Variants in VKORC1L1 observed in about 807,000 individuals in gnomAD.
The protein encoded by VKORC1L1 is vitamin K epoxide reductase complex subunit 1-like protein 1.
A neutral mutation model predicts 18.9 loss-of-function variants in VKORC1L1; 2 were observed. That is an observed-to-expected ratio of 0.11 (90% CI 0.04 to 0.33). The LOEUF (loss-of-function observed/expected upper bound fraction) is 0.33. VKORC1L1 is among the 10% of genes least tolerant of loss of function. The probability of loss-of-function intolerance (pLI) is 1.00; values close to 1 mark genes in which losing one functional copy is unlikely to be tolerated. For synonymous variants in VKORC1L1, 96 were observed against 100.0 expected, an observed-to-expected ratio of 0.96 and a Z score of 0.24; for missense variants, 123 against 224.1, an observed-to-expected ratio of 0.55 and a Z score of 2.88.
chr7:65,938,950 AGG>A (rs1562653945), intron 1 of VKORC1L1, among the ~76,000 whole-genome samples: 1 of 152,204 alleles, frequency 6.6e-6, no homozygotes, highest in East Asian at 1.9e-4. Flanking sequence ...GCCATGAATC[AGG>A]GCCACACCAG....
intron 1 of VKORC1L1, among the ~76,000 whole-genome samples, chr7:65,941,150 C>T (rs1347350702): frequency 1.3e-5 from 2 of 152,194 alleles, no homozygotes; most frequent in African/African-American, 2.4e-5. Flanking sequence ...CTCACTCTGT[C>T]ACCCAGGCTG....
chr7:65,930,430 G>A (rs1291060358), intron 1 of VKORC1L1, among the ~76,000 whole-genome samples: 1 of 152,216 alleles, frequency 6.6e-6, no homozygotes, highest in Non-Finnish European at 1.5e-5. Flanking sequence ...GGTTAGGGGA[G>A]CGTATTTGGC....
At chr7:65,887,861 G>T (rs183799461) in intron 1 of VKORC1L1, among the ~76,000 whole-genome samples, 2 of 151,276 alleles carry the variant, frequency 1.3e-5, no homozygotes, top group Non-Finnish European at 2.9e-5. Flanking sequence ...GGATTGCTTC[G>T]CAATATGTAT....
intron 1 of VKORC1L1, among the ~76,000 whole-genome samples, chr7:65,918,026 CTG>C (rs767661861): frequency 6.6e-6 from 1 of 152,140 alleles, no homozygotes; most frequent in South Asian, 2.1e-4. Context: ...AGTGACAGTT[CTG>C]TCTCGATAGT....
intron 2 of VKORC1L1, among the ~76,000 whole-genome samples, chr7:65,949,458 A>G (rs1790177755): frequency 6.8e-6 from 1 of 148,112 alleles, no homozygotes; most frequent in Non-Finnish European, 1.5e-5. Context: ...CAGCCTGGGC[A>G]ACAAGAGCGA....
At chr7:65,887,197 C>G (rs1271350254) in intron 1 of VKORC1L1, among the ~76,000 whole-genome samples, 1 of 151,974 alleles carries the variant, frequency 6.6e-6, no homozygotes, top group Non-Finnish European at 1.5e-5. Flanking sequence ...TAGAGTGCCT[C>G]CTTGTTACTT....
chr7:65,955,467 G>C lies in VKORC1L1; in HGVS notation c.*1167G>C, dbSNP rs898444579. ...TTCATCGGGAGAATAGCAACAGGTA[G>C]ACACATCTCAAGGCTAAATCTGCTC... is the stretch of plus-strand genomic sequence containing the variant. On this transcript the variant is annotated 3_prime_UTR_variant, in exon 3 of 3. Coordinates refer to ENST00000360768, the MANE Select transcript of VKORC1L1 (RefSeq NM_173517.6). 2 of 152,240 alleles carry C rather than the reference G, an allele frequency of 1.3e-5. No homozygotes were observed. The highest frequency in any genetic ancestry group is 2.9e-5 in the Non-Finnish European group (2 of 68,048). The allele number at this position is 152,240 out of a possible 1,614,324, so 9.4% of individuals were successfully genotyped here. A position where few individuals can be genotyped will look rare whatever the true frequency, so the allele number is the denominator to read the frequency against.
chr7:65,906,977 A>G (rs535896074), intron 1 of VKORC1L1, among the ~76,000 whole-genome samples: 1 of 152,286 alleles, frequency 6.6e-6, no homozygotes, highest in Non-Finnish European at 1.5e-5. Context: ...CCCCTATACA[A>G]GGGTGGAAAG....
intron 1 of VKORC1L1, among the ~76,000 whole-genome samples, chr7:65,942,715 G>A (rs559628092): frequency 3.3e-4 from 50 of 151,760 alleles, no homozygotes; most frequent in Non-Finnish European, 5.6e-4. Context: ...TAGTAGAGAC[G>A]GGGTTTCGCC....
chr7:65,954,519 CAATCA>C lies in VKORC1L1; in HGVS notation c.*222_*226del. ...TGGATACAAAAAGGATACGCCGAGC[CAATCA>C]AAGACAAGCTTTAACTTTACTTTGA... On this transcript the variant is annotated 3_prime_UTR_variant, in exon 3 of 3. Transcript: ENST00000360768. The C allele has an allele frequency of 1.3e-6, 1 of 768,536 alleles. No homozygotes were observed. The highest frequency in any genetic ancestry group is 1.9e-6 in the Non-Finnish European group (1 of 527,054). 47.6% of individuals were successfully genotyped at this position (768,536 alleles called of 1,614,324 possible).
rs1790295581 is a variant in VKORC1L1 at position 65,956,368 on chromosome 7, T to C, written c.*2068T>C. ...AAGTTCCTCGTGTCCCAATATCCAATGGTTTTTCATCCTATTTTGTATCAA... is the reference window on the plus strand; with the variant it reads ...AAGTTCCTCGTGTCCCAATATCCAACGGTTTTTCATCCTATTTTGTATCAA... On this transcript the variant is annotated 3_prime_UTR_variant, in exon 3 of 3. Transcript: ENST00000360768. 1 of 152,252 alleles carries C rather than the reference T, an allele frequency of 6.6e-6. No individual in the cohort carries two copies. Among genetic ancestry groups the C allele is most frequent in the Non-Finnish European group, 1.5e-5 (1 of 68,050 alleles). The allele number at this position is 152,252 out of a possible 1,614,324, so 9.4% of individuals were successfully genotyped here.
intron 1 of VKORC1L1, among the ~76,000 whole-genome samples, chr7:65,936,332 T>C (rs1362974024): frequency 6.6e-6 from 1 of 152,226 alleles, no homozygotes; most frequent in Non-Finnish European, 1.5e-5. Flanking sequence ...AACATTCTTC[T>C]AGTTCTTTGT....
At chr7:65,898,831 C>A (rs1173415932) in intron 1 of VKORC1L1, among the ~76,000 whole-genome samples, 1 of 152,176 alleles carries the variant, frequency 6.6e-6, no homozygotes, top group Non-Finnish European at 1.5e-5. Context: ...CTTAATACTT[C>A]CCCTACCCTT....
rs1291593983 is a variant in VKORC1L1 at position 65,958,281 on chromosome 7, CTAAG to C, written c.*3984_*3987del. ...GTTATAAAACTGTATTAAGCATGGC[CTAAG>C]TATTTATTAGGTATATGATCTGTGT... On this transcript the variant is annotated 3_prime_UTR_variant, in exon 3 of 3. Transcript: ENST00000360768. 6.6e-6 allele frequency: 1 copy of C among 152,120 alleles called. No homozygotes were observed. The highest frequency in any genetic ancestry group is 2.4e-5 in the African/African-American group (1 of 41,418). 9.4% of individuals were successfully genotyped at this position (152,120 alleles called of 1,614,324 possible). A position where few individuals can be genotyped will look rare whatever the true frequency, so the allele number is the denominator to read the frequency against.
At position 65,878,376 on chromosome 7, in the gene VKORC1L1, G is replaced by A. The variant is rs191868069; in HGVS notation, c.194+4811G>A. On this transcript the variant is annotated intron_variant, in intron 1 of 2. Transcript: ENST00000360768. ...GCAGGAGAATCACTTGAACCCGGGAGGTGGAGGTAGCAGTAAGCCGAGATT... is the reference window on the plus strand; with the variant it reads ...GCAGGAGAATCACTTGAACCCGGGAAGTGGAGGTAGCAGTAAGCCGAGATT... Among the ~76,000 whole-genome samples, 583 of 152,200 alleles carry A rather than the reference G, an allele frequency of 3.8e-3. 6 individuals are homozygous for A. Among genetic ancestry groups the A allele is most frequent in the African/African-American group, 0.013 (556 of 41,538 alleles).
chr7:65,947,449 C>G (rs1430192430), intron 1 of VKORC1L1, among the ~76,000 whole-genome samples: 1 of 148,368 alleles, frequency 6.7e-6, no homozygotes, highest in East Asian at 2.0e-4. Flanking sequence ...AAGAAGCACT[C>G]TCGTTCAATC....
At chr7:65,922,753 G>T (rs1323793003) in intron 1 of VKORC1L1, among the ~76,000 whole-genome samples, 1 of 152,154 alleles carries the variant, frequency 6.6e-6, no homozygotes, top group Non-Finnish European at 1.5e-5. Context: ...CCTTCTGTTG[G>T]TATTAGCTGT....
At chr7:65,896,361 T>G (rs1039889846) in intron 1 of VKORC1L1, among the ~76,000 whole-genome samples, 7 of 152,202 alleles carry the variant, frequency 4.6e-5, no homozygotes, top group African/African-American at 1.4e-4. Context: ...CTAAGAACAT[T>G]TATACATGTT....
intron 1 of VKORC1L1, among the ~76,000 whole-genome samples, chr7:65,909,383 G>A (rs562019784): frequency 2.0e-5 from 3 of 152,108 alleles, no homozygotes; most frequent in Admixed American, 6.6e-5. Context: ...ATGTCGTGAT[G>A]GGAATGGAAG....
Sources: gnomAD v4.1 joint callset for allele counts (sites outside exome capture counted in the v4.1 genomes callset) on GRCh38, gnomAD v4.1.1 for gene constraint, MANE v1.5 for transcripts, NCBI Gene and HGNC (gene_info 2026-07-23, HGNC 2026-07-21) for gene names.